FLRT2: variants seen among roughly 807,000 people sequenced by gnomAD.
The protein encoded by FLRT2 is leucine-rich repeat transmembrane protein FLRT2.
Under a neutral mutation model 40.0 loss-of-function variants are expected in FLRT2, and 15 were observed. That is an observed-to-expected ratio of 0.38 (90% CI 0.25 to 0.58). The LOEUF is 0.58. FLRT2 is among the 20% of genes least tolerant of loss of function. The pLI, the probability that FLRT2 is intolerant of heterozygous loss-of-function variation, is 0.71. For missense variants in FLRT2, 726 were observed against 840.0 expected, an observed-to-expected ratio of 0.86 and a Z score of 1.68; for synonymous variants, 380 against 336.8, an observed-to-expected ratio of 1.13 and a Z score of -1.41.
In FLRT2 at chr14:85,580,515, A is replaced by G. The variant is rs1307711694; in HGVS notation, c.-376-40624A>G. On this transcript the variant is annotated intron_variant, in intron 1 of 1. Transcript: ENST00000330753. Reference sequence around the variant, plus strand: ...TATTTTTAGAAAATAGTATTCACACATACCTAAAAATCTGGTTCATAAACC... The same window carrying G: ...TATTTTTAGAAAATAGTATTCACACGTACCTAAAAATCTGGTTCATAAACC... Among the ~76,000 whole-genome samples the G allele has an allele frequency of 2.0e-5, 3 of 152,218 alleles. No individual in the cohort carries two copies. The East Asian group carries it at 5.8e-4, about 29-fold the overall frequency.
chr14:85,652,563 A>G lies in FLRT2; in HGVS notation c.*29066A>G, dbSNP rs532653226. On this transcript the variant is annotated 3_prime_UTR_variant, in exon 2 of 2. Transcript: ENST00000330753. The stretch of plus-strand genomic sequence containing the variant: ...ATTTTTAGACTAAAAGCCTTTGAAT[A>G]AAATATTATACAACTTTAAATAAAT... The G allele has an allele frequency of 3.3e-5, 5 of 152,298 alleles. No homozygotes were observed. The highest frequency in any genetic ancestry group is 1.2e-4 in the African/African-American group (5 of 41,576). 9.4% of individuals were successfully genotyped at this position (152,298 alleles called of 1,614,324 possible). A position where few individuals can be genotyped will look rare whatever the true frequency, so the allele number is the denominator to read the frequency against.
In FLRT2 at chr14:85,627,222, CAG is replaced by C. The variant is rs1283513034; in HGVS notation, c.*3726_*3727del. ...CTGCATGGGAAAGCAAAGCAGAAAA[CAG>C]TGCCCCAAATGGAAAAAAGATACTC... On this transcript the variant is annotated 3_prime_UTR_variant, in exon 2 of 2. Coordinates refer to ENST00000330753, the MANE Select transcript of FLRT2 (RefSeq NM_013231.6). 6.0e-6 allele frequency: 1 copy of C among 167,040 alleles called. No individual in the cohort carries two copies. Among genetic ancestry groups the C allele is most frequent in the African/African-American group, 2.4e-5 (1 of 41,438 alleles). 10.3% of individuals were successfully genotyped at this position (167,040 alleles called of 1,614,324 possible).
chr14:85,552,653 T>C (rs919547704), intron 1 of FLRT2: 9 of 152,068 alleles, frequency 5.9e-5, no homozygotes, highest in South Asian at 2.1e-4. Flanking sequence ...AAGAGAAAAA[T>C]GGCCCCTCTG....
In FLRT2 at chr14:85,650,845, T is replaced by A. The variant is rs572671897; in HGVS notation, c.*27348T>A. 1 of 152,056 alleles carries A rather than the reference T, an allele frequency of 6.6e-6. No individual in the cohort carries two copies. Among genetic ancestry groups the A allele is most frequent in the Non-Finnish European group, 1.5e-5 (1 of 67,992 alleles). 9.4% of individuals were successfully genotyped at this position (152,056 alleles called of 1,614,324 possible). A position where few individuals can be genotyped will look rare whatever the true frequency, so the allele number is the denominator to read the frequency against. The stretch of plus-strand genomic sequence containing the variant: ...CTTTGCAATAATTATTAAAATTTTC[T>A]TTTTCTTTTCTTTTTTTAAGAGACA... On this transcript the variant is annotated 3_prime_UTR_variant, in exon 2 of 2. Transcript: ENST00000330753.
chr14:85,611,037 A>G (rs1467268843), intron 1 of FLRT2, among the ~76,000 whole-genome samples: 1 of 152,122 alleles, frequency 6.6e-6, no homozygotes, highest in Non-Finnish European at 1.5e-5. Context: ...CTGGGATTAC[A>G]GGCACCTGGC....
chr14:85,552,386 G>A (rs1427808241), intron 1 of FLRT2, among the ~76,000 whole-genome samples: 2 of 152,150 alleles, frequency 1.3e-5, no homozygotes, highest in East Asian at 3.9e-4. Context: ...TTGCCATGAG[G>A]ATTAAATAAG....
At chr14:85,543,602 G>A (rs544370955) in intron 1 of FLRT2, among the ~76,000 whole-genome samples, 268 of 151,780 alleles carry the variant, frequency 1.8e-3, no homozygotes, top group African/African-American at 6.1e-3. Context: ...ATCAAAACTT[G>A]TTATCATGCC....
chr14:85,549,118 T>C (rs559168557), intron 1 of FLRT2, among the ~76,000 whole-genome samples: 1 of 152,164 alleles, frequency 6.6e-6, no homozygotes, highest in South Asian at 2.1e-4. Context: ...AGCAATAAAA[T>C]CCTCTGGGTT....
intron 1 of FLRT2, among the ~76,000 whole-genome samples, chr14:85,547,083 A>G (rs1265302020): frequency 6.6e-6 from 1 of 151,894 alleles, no homozygotes; most frequent in South Asian, 2.1e-4. Flanking sequence ...CTGCACACCA[A>G]TTACATTACT....
intron 1 of FLRT2, among the ~76,000 whole-genome samples, chr14:85,577,612 G>T (rs750417590): frequency 2.6e-5 from 4 of 151,744 alleles, no homozygotes; most frequent in Non-Finnish European, 5.9e-5. Flanking sequence ...TTTGAGACAG[G>T]GTCTCACCGT....
chr14:85,614,950 A>G (rs1893057863), intron 1 of FLRT2, among the ~76,000 whole-genome samples: 1 of 152,210 alleles, frequency 6.6e-6, no homozygotes, highest in Non-Finnish European at 1.5e-5. Context: ...GTTATGGACC[A>G]TATACTTTTA....
At chr14:85,556,019 C>T (rs544445354) in intron 1 of FLRT2, among the ~76,000 whole-genome samples, 56 of 152,244 alleles carry the variant, frequency 3.7e-4, no homozygotes, top group South Asian at 4.1e-4. Flanking sequence ...ATAGTACAGA[C>T]GGAAGGCATG....
intron 1 of FLRT2, among the ~76,000 whole-genome samples, chr14:85,614,399 G>A (rs886946365): frequency 6.6e-6 from 1 of 151,882 alleles, no homozygotes; most frequent in Non-Finnish European, 1.5e-5. Context: ...AAAATTCAGA[G>A]AGGTTAAGTC....
chr14:85,613,093 G>A (rs927678116), intron 1 of FLRT2, among the ~76,000 whole-genome samples: 1 of 152,026 alleles, frequency 6.6e-6, no homozygotes, highest in African/African-American at 2.4e-5. Flanking sequence ...GAATGGTAAA[G>A]TAGTATGCAA....
rs142242956 is a variant in FLRT2 at position 85,622,852 on chromosome 14, C to A, written c.1338C>A (p.Thr446=). Residue 446 remains threonine (T), a synonymous_variant, in exon 2 of 2, where the codon ACC becomes ACA. Coordinates refer to ENST00000330753, the MANE Select transcript of FLRT2 (RefSeq NM_013231.6). ...AAGTCAGCTGGCTCTCTCTCTTCAC[C>A]GTGATGGCATACAAACTCACATGGG... ...SIQVSWLSLF[T]VMAYKLTWVK... The A allele has an allele frequency of 6.2e-7, 1 of 1,614,174 alleles. No individual in the cohort carries two copies. Among genetic ancestry groups the A allele is most frequent in the Non-Finnish European group, 8.5e-7 (1 of 1,180,038 alleles).
At chr14:85,555,435 A>G (rs1478005061) in intron 1 of FLRT2, among the ~76,000 whole-genome samples, 2 of 151,610 alleles carry the variant, frequency 1.3e-5, no homozygotes, top group Non-Finnish European at 2.9e-5. Context: ...CACATCCTAC[A>G]TGGCAGCAGA....
At chr14:85,598,296 T>G (rs1892229572) in intron 1 of FLRT2, among the ~76,000 whole-genome samples, 1 of 152,208 alleles carries the variant, frequency 6.6e-6, no homozygotes, top group Non-Finnish European at 1.5e-5. Context: ...GAGGAAGTGT[T>G]GGGACATACA....
chr14:85,652,079 A>G lies in FLRT2; in HGVS notation c.*28582A>G, dbSNP rs565256218. 1 of 152,278 alleles carries G rather than the reference A, an allele frequency of 6.6e-6. No individual in the cohort carries two copies. Among genetic ancestry groups the G allele is most frequent in the Non-Finnish European group, 1.5e-5 (1 of 67,978 alleles). 9.4% of individuals were successfully genotyped at this position (152,278 alleles called of 1,614,324 possible). A position where few individuals can be genotyped will look rare whatever the true frequency, so the allele number is the denominator to read the frequency against. On this transcript the variant is annotated 3_prime_UTR_variant, in exon 2 of 2. Transcript: ENST00000330753. Reference sequence around the variant, plus strand: ...ATTAAATCAGCTGTTTATTAAAAAAAGCAATGAGCAAGGAACAACAAAGTC... The same window carrying G: ...ATTAAATCAGCTGTTTATTAAAAAAGGCAATGAGCAAGGAACAACAAAGTC...
intron 1 of FLRT2, among the ~76,000 whole-genome samples, chr14:85,603,250 G>T (rs544630844): frequency 1.3e-5 from 2 of 152,040 alleles, no homozygotes; most frequent in Admixed American, 6.6e-5. Context: ...AGAGAACAAC[G>T]CCTGTAGAGC....
Sources: gnomAD v4.1 joint callset for allele counts (sites outside exome capture counted in the v4.1 genomes callset) on GRCh38, gnomAD v4.1.1 for gene constraint, MANE v1.5 for transcripts, NCBI Gene and HGNC (gene_info 2026-07-23, HGNC 2026-07-21) for gene names.